The following DSCAM variants were observed in gnomAD, a reference collection of about 807,000 sequenced individuals.
The protein encoded by DSCAM is cell adhesion molecule DSCAM.
In DSCAM, 47 loss-of-function variants were observed where a neutral mutation model predicts 217.7. That is an observed-to-expected ratio of 0.22 (90% CI 0.17 to 0.28). DSCAM has a LOEUF of 0.28. Ranked by LOEUF, DSCAM falls within the 10% of genes least tolerant of loss-of-function variation. The pLI, the probability that DSCAM is intolerant of heterozygous loss-of-function variation, is 1.00. For missense variants in DSCAM, 2,080 were observed against 2,618.3 expected (o/e 0.79, Z 4.49); for synonymous variants, 1,056 against 1,015.3 (o/e 1.04, Z -0.76).
At chr21:40,607,647 A>G (rs1025717184) in intron 3 of DSCAM, among the ~76,000 whole-genome samples, 5 of 151,960 alleles carry the variant, frequency 3.3e-5, no homozygotes, top group African/African-American at 9.7e-5. Context: ...ATGCTACTGA[A>G]TAAGTCTCAT....
intron 1 of DSCAM, among the ~76,000 whole-genome samples, chr21:40,772,180 CTTTTT>C (rs1004361725): frequency 2.6e-5 from 4 of 151,774 alleles, no homozygotes; most frequent in African/African-American, 9.7e-5. Flanking sequence ...CTGTTTTTTT[CTTTTT>C]GAGATGGAGA....
intron 1 of DSCAM, among the ~76,000 whole-genome samples, chr21:40,830,834 G>T (rs2123640525): frequency 6.6e-6 from 1 of 152,324 alleles, no homozygotes; most frequent in Non-Finnish European, 1.5e-5. Context: ...TCCATAAACA[G>T]GTGATTCTGT....
chr21:40,536,685 C>T (rs1407374914), intron 3 of DSCAM, among the ~76,000 whole-genome samples: 1 of 152,194 alleles, frequency 6.6e-6, no homozygotes, highest in African/African-American at 2.4e-5. Context: ...GGATTACAGG[C>T]GTGAGCCACT....
chr21:40,717,105 G>A (rs1188680385), intron 1 of DSCAM, among the ~76,000 whole-genome samples: 1 of 152,220 alleles, frequency 6.6e-6, no homozygotes, highest in East Asian at 1.9e-4. Flanking sequence ...TCAATGCACA[G>A]CTAAAAGTGT....
At chr21:40,700,602 G>A (rs980455738) in intron 2 of DSCAM, among the ~76,000 whole-genome samples, 1 of 152,096 alleles carries the variant, frequency 6.6e-6, no homozygotes, top group East Asian at 1.9e-4. Context: ...AGTCAGAAGA[G>A]ATACTTGTCT....
At chr21:40,210,268 T>C (rs1320639675) in intron 11 of DSCAM, among the ~76,000 whole-genome samples, 1 of 152,210 alleles carries the variant, frequency 6.6e-6, no homozygotes, top group African/African-American at 2.4e-5. Flanking sequence ...ACCTCACCCC[T>C]ACAAGGGGCT....
intron 3 of DSCAM, among the ~76,000 whole-genome samples, chr21:40,586,471 C>T (rs73366977): frequency 0.026 from 3,878 of 151,144 alleles, 140 homozygotes; most frequent in East Asian, 0.095. Context: ...AGAAGCACCC[C>T]ACCCAAAGCT....
At chr21:40,674,494 G>A (rs190798350) in intron 3 of DSCAM, among the ~76,000 whole-genome samples, 3 of 152,100 alleles carry the variant, frequency 2.0e-5, no homozygotes, top group East Asian at 3.9e-4. Context: ...AGGATATAAC[G>A]AGTATAATAA....
intron 3 of DSCAM, among the ~76,000 whole-genome samples, chr21:40,549,113 G>A (rs1412115064): frequency 1.3e-5 from 2 of 152,178 alleles, no homozygotes; most frequent in Admixed American, 6.5e-5. Context: ...GCTGAGGCGT[G>A]AGGATCACCT....
chr21:40,180,324 G>C (rs1415023607), intron 14 of DSCAM, among the ~76,000 whole-genome samples: 1 of 152,174 alleles, frequency 6.6e-6, no homozygotes, highest in Non-Finnish European at 1.5e-5. Flanking sequence ...AAAATATGTG[G>C]CTTAAAGACT....
chr21:40,461,942 G>C (rs1399421402), intron 3 of DSCAM, among the ~76,000 whole-genome samples: 1 of 152,178 alleles, frequency 6.6e-6, no homozygotes, highest in Non-Finnish European at 1.5e-5. Context: ...TTAGACCACT[G>C]AGAGCATTTA....
Position 40,179,066 on chromosome 21 carries a change from T to C in DSCAM, c.2808A>G (p.Lys936=). The change falls in exon 15 of 33, where the codon AAA becomes AAG. Residue 936 remains lysine, a synonymous_variant. Transcript: ENST00000400454. ...SDSWDSAQRT[K]DVSPQLNSAT... is the part of the protein sequence containing the mutation. ...CCGAGTTCAGCTGAGGGGAAACATCTTTGGTTCTCTGAGCAGAATCCCAGG... is the reference window on the plus strand; with the variant it reads ...CCGAGTTCAGCTGAGGGGAAACATCCTTGGTTCTCTGAGCAGAATCCCAGG... The C allele has an allele frequency of 6.2e-7, 1 of 1,613,972 alleles. No homozygotes were observed.
At chr21:40,292,295 G>C (rs1222255689) in intron 10 of DSCAM, among the ~76,000 whole-genome samples, 1 of 143,432 alleles carries the variant, frequency 7.0e-6, no homozygotes, top group African/African-American at 2.6e-5. Context: ...TTAAACTGTT[G>C]CATCTCTCAA....
chr21:40,375,284 A>T (rs950863364), intron 3 of DSCAM, among the ~76,000 whole-genome samples: 6 of 152,210 alleles, frequency 3.9e-5, no homozygotes, highest in Non-Finnish European at 7.3e-5. Context: ...TCTCTATTCA[A>T]CATGCATGAG....
chr21:40,180,498 C>CA (rs1180236963), intron 14 of DSCAM, among the ~76,000 whole-genome samples: 5 of 151,992 alleles, frequency 3.3e-5, no homozygotes, highest in African/African-American at 1.2e-4. Flanking sequence ...GAATGGGATT[C>CA]AATGGAAGAC....
intron 1 of DSCAM, among the ~76,000 whole-genome samples, chr21:40,843,402 G>C (rs1433812818): frequency 7.9e-6 from 1 of 125,946 alleles, no homozygotes; most frequent in African/African-American, 3.4e-5. Context: ...GTGTGTGTGT[G>C]TGTGTGTAAA....
At chr21:40,841,821 G>A (rs73227948) in intron 1 of DSCAM, among the ~76,000 whole-genome samples, 11,276 of 152,310 alleles carry the variant, frequency 0.074, 536 homozygotes, top group South Asian at 0.17. Context: ...CCCGCTACCC[G>A]CTGCAACACC....
chr21:40,541,931 G>T (rs532153364), intron 3 of DSCAM, among the ~76,000 whole-genome samples: 2 of 152,084 alleles, frequency 1.3e-5, no homozygotes, highest in Non-Finnish European at 2.9e-5. Flanking sequence ...CATTATTTTG[G>T]GATAACTTGC....
chr21:40,437,829 A>G (rs1188738946), intron 3 of DSCAM, among the ~76,000 whole-genome samples: 1 of 152,192 alleles, frequency 6.6e-6, no homozygotes, highest in Non-Finnish European at 1.5e-5. Context: ...CAACCTGGGC[A>G]AAAAGAGTGA....
Sources: gnomAD v4.1 joint callset for allele counts (sites outside exome capture counted in the v4.1 genomes callset) on GRCh38, gnomAD v4.1.1 for gene constraint, MANE v1.5 for transcripts, NCBI Gene and HGNC (gene_info 2026-07-23, HGNC 2026-07-21) for gene names.